Variants in SLC5A8 observed in about 807,000 individuals in gnomAD.
The protein encoded by SLC5A8 is solute carrier family 5 member 8.
A neutral mutation model predicts 71.9 loss-of-function variants in SLC5A8; 55 were observed. That is an observed-to-expected ratio of 0.77 (90% CI 0.62 to 0.96). The LOEUF is 0.96. Among genes scored for constraint, SLC5A8 ranks in the 40% least tolerant of loss-of-function variants. The probability of loss-of-function intolerance (pLI) is 0.00; values close to 1 mark genes in which losing one functional copy is unlikely to be tolerated. For missense variants in SLC5A8, 701 were observed against 745.3 expected (o/e 0.94, Z 0.69); for synonymous variants, 307 against 276.1 (o/e 1.11, Z -1.11).
At chr12:101,173,880 C>A (rs1678465409) in intron 10 of SLC5A8, among the ~76,000 whole-genome samples, 2 of 152,180 alleles carry the variant, frequency 1.3e-5, no homozygotes, top group African/African-American at 4.8e-5. Flanking sequence ...AGAGACACAC[C>A]AGCCAGTGGT....
At chr12:101,161,462 T>C (rs979733697) in intron 13 of SLC5A8, among the ~76,000 whole-genome samples, 4 of 152,176 alleles carry the variant, frequency 2.6e-5, no homozygotes, top group African/African-American at 7.2e-5. Flanking sequence ...TGAACACACT[T>C]TTTAAAAAAT....
At chr12:101,175,143 T>A (rs1367173382) in intron 10 of SLC5A8, among the ~76,000 whole-genome samples, 1 of 151,908 alleles carries the variant, frequency 6.6e-6, no homozygotes. Flanking sequence ...ACTGTTACTC[T>A]GAACAAATAC....
intron 9 of SLC5A8, among the ~76,000 whole-genome samples, chr12:101,181,155 T>C (rs1226615703): frequency 6.6e-6 from 1 of 152,220 alleles, no homozygotes; most frequent in Non-Finnish European, 1.5e-5. Flanking sequence ...TATTTTAGCA[T>C]TCATACCTTT....
intron 5 of SLC5A8, among the ~76,000 whole-genome samples, chr12:101,191,084 C>G (rs1044882027): frequency 5.3e-5 from 8 of 152,200 alleles, no homozygotes; most frequent in Non-Finnish European, 1.0e-4. Context: ...AATCTATATT[C>G]ACGTTCAACA....
intron 6 of SLC5A8, among the ~76,000 whole-genome samples, chr12:101,189,560 A>T (rs1868809971): frequency 6.6e-6 from 1 of 152,142 alleles, no homozygotes; most frequent in African/African-American, 2.4e-5. Context: ...CCTATTTATC[A>T]GCACAGGGAG....
At chr12:101,200,009 C>CAAAAAAAAAAAAAAA in intron 3 of SLC5A8, among the ~76,000 whole-genome samples, 1 of 9,634 alleles carries the variant, frequency 1.0e-4, no homozygotes, top group African/African-American at 3.6e-4. Context: ...GTACTACCAG[C>CAAAAAAAAAAAAAAA]AAAAAAAAAA....
chr12:101,209,368 G>A (rs886224839), intron 1 of SLC5A8, 130 bp downstream of exon 1: 8 of 679,682 alleles, frequency 1.2e-5, no homozygotes, highest in South Asian at 9.8e-5. Context: ...AAGGGAGGGT[G>A]ATGATGACGA....
At chr12:101,169,193 G>T (rs2051803249) in intron 10 of SLC5A8, among the ~76,000 whole-genome samples, 1 of 152,172 alleles carries the variant, frequency 6.6e-6, no homozygotes, top group South Asian at 2.1e-4. Flanking sequence ...TGATGACTGT[G>T]TGATCTGTGA....
chr12:101,160,136 C>G (rs143175245), intron 13 of SLC5A8, among the ~76,000 whole-genome samples: 3 of 152,050 alleles, frequency 2.0e-5, no homozygotes, highest in African/African-American at 7.2e-5. Context: ...GAGCCAAGAT[C>G]GCACCACTGT....
At chr12:101,202,556 A>G (rs929950927) in intron 2 of SLC5A8, among the ~76,000 whole-genome samples, 2 of 151,960 alleles carry the variant, frequency 1.3e-5, no homozygotes, top group South Asian at 4.1e-4. Flanking sequence ...AAAAAAATAA[A>G]TAATAATAAT....
At chr12:101,194,984 G>A in intron 4 of SLC5A8, 111 bp downstream of exon 4, 1 of 966,594 alleles carries the variant, frequency 1.0e-6, no homozygotes, top group Non-Finnish European at 1.6e-6. Flanking sequence ...CAGGAGGTTG[G>A]GAATAGGAGA....
chr12:101,157,288 A>G lies in SLC5A8; in HGVS notation c.1824T>C (p.Thr608=), dbSNP rs369159079. 3.0e-5 allele frequency: 49 copies of G among 1,613,072 alleles called. No individual in the cohort carries two copies. In the Admixed American group the frequency reaches 8.2e-4, roughly 27 times the overall value. ...NSDQSGKSNG[T]RL ...TAGTATCAGAGCAGCTTCACAAACG[A>G]GTCCCATTGCTCTTGCCACTCTGAT... Residue 608 remains threonine (T), a synonymous_variant, in exon 15 of 15, where the codon ACT becomes ACC. Transcript: ENST00000536262.
At position 101,155,787 on chromosome 12, in the gene SLC5A8, T is replaced by C. The variant is rs903084328; in HGVS notation, c.*1492A>G. 7.4e-5 allele frequency: 11 copies of C among 148,804 alleles called. No individual in the cohort carries two copies. Among genetic ancestry groups the C allele is most frequent in the African/African-American group, 2.7e-4 (11 of 40,184 alleles). The allele number at this position is 148,804 out of a possible 1,614,324, so 9.2% of individuals were successfully genotyped here. On this transcript the variant is annotated 3_prime_UTR_variant, in exon 15 of 15. Transcript: ENST00000536262. ...ATGTTCAGATTACAAGCATGAGCCA[T>C]CATGCCCAGGCTTTTTTTTTTTTTT... is the stretch of plus-strand genomic sequence containing the variant.
intron 12 of SLC5A8, 149 bp from the exon 13 acceptor site, chr12:101,162,226 G>C (rs2051730787): frequency 3.4e-6 from 2 of 594,736 alleles, no homozygotes; most frequent in Non-Finnish European, 6.0e-6. Context: ...TATCTTATCA[G>C]ATCAGGAATT....
chr12:101,168,357 C>T (rs2051793879), intron 10 of SLC5A8, among the ~76,000 whole-genome samples, 175 bp from the exon 11 acceptor site: 1 of 152,190 alleles, frequency 6.6e-6, no homozygotes, highest in Non-Finnish European at 1.5e-5. Context: ...CAAGTTTCTG[C>T]ATCTCAGTCT....
At chr12:101,202,328 A>G in intron 2 of SLC5A8, 113 bp from the exon 3 acceptor site, 2 of 1,007,898 alleles carry the variant, frequency 2.0e-6, no homozygotes, top group Non-Finnish European at 2.7e-6. Context: ...GACTTAAAAC[A>G]ACAGTTTCAA....
At position 101,209,572 on chromosome 12, in the gene SLC5A8, A is replaced by G; in HGVS notation, c.277T>C (p.Phe93Leu). ...AIFSIFAFTY[F>L]FVVVISAEVF... ...TCCGCGCTGATGACCACCACAAAGA[A>G]GTAGGTGAAGGCAAAGATGCTAAAA... The change falls in exon 1 of 15, where the codon TTC (phenylalanine) becomes CTC (leucine). Residue 93 changes from phenylalanine to leucine, a missense_variant. By Grantham distance (22) the Phe-to-Leu change is conservative. Transcript: ENST00000536262. 1 of 1,614,104 alleles carries G rather than the reference A, an allele frequency of 6.2e-7. No homozygotes were observed. The highest frequency in any genetic ancestry group is 8.5e-7 in the Non-Finnish European group (1 of 1,180,024).
chr12:101,175,524 C>G (rs539918327), intron 10 of SLC5A8, among the ~76,000 whole-genome samples: 1 of 151,788 alleles, frequency 6.6e-6, no homozygotes, highest in Non-Finnish European at 1.5e-5. Context: ...GAAAGAAACA[C>G]GTGCCAAGAC....
intron 10 of SLC5A8, among the ~76,000 whole-genome samples, chr12:101,168,445 G>T (rs1311771063): frequency 6.6e-6 from 1 of 152,192 alleles, no homozygotes; most frequent in African/African-American, 2.4e-5. Context: ...CTGCGACAAT[G>T]GTAGTGCCTA....
Sources: gnomAD v4.1 joint callset for allele counts (sites outside exome capture counted in the v4.1 genomes callset) on GRCh38, gnomAD v4.1.1 for gene constraint, MANE v1.5 for transcripts, NCBI Gene and HGNC (gene_info 2026-07-23, HGNC 2026-07-21) for gene names.